The following CHST13 variants were observed in gnomAD, a reference collection of about 807,000 sequenced individuals.
The protein encoded by CHST13 is carbohydrate sulfotransferase 13.
Under a neutral mutation model 7.0 loss-of-function variants are expected in CHST13, and 1 was observed. The observed-to-expected ratio is 0.14, with a 90% CI of 0.05 to 0.68. CHST13 has a LOEUF of 0.68. Among genes scored for constraint, CHST13 ranks in the 30% least tolerant of loss-of-function variants. CHST13 has a pLI of 0.82. For missense variants in CHST13, 572 were observed against 507.9 expected, an observed-to-expected ratio of 1.13 and a Z score of -1.21; for synonymous variants, 257 against 240.9, an observed-to-expected ratio of 1.07 and a Z score of -0.62.
Position 126,542,530 on chromosome 3 carries a change from C to T in CHST13, c.978C>T (p.Asp326=), listed in dbSNP as rs777225443. 1 of 1,537,700 alleles carries T rather than the reference C, an allele frequency of 6.5e-7. No individual in the cohort carries two copies. The highest frequency in any genetic ancestry group is 2.2e-5 in the Admixed American group (1 of 46,034). ...QRRLFDLYKM[D]FLLFNYSAPS... Reference sequence around the variant, plus strand: ...GCCTCTTCGACCTCTACAAGATGGACTTCCTGCTTTTCAACTACTCCGCCC... The same window carrying T: ...GCCTCTTCGACCTCTACAAGATGGATTTCCTGCTTTTCAACTACTCCGCCC... Residue 326 remains aspartate (D), a synonymous_variant, in exon 3 of 3, where the codon GAC becomes GAT. Transcript: ENST00000319340.
At position 126,542,030 on chromosome 3, in the gene CHST13, A is replaced by G. The variant is rs1438416501; in HGVS notation, c.478A>G (p.Ile160Val). The G allele has an allele frequency of 6.4e-7, 1 of 1,570,774 alleles. No individual in the cohort carries two copies. Among genetic ancestry groups the G allele is most frequent in the South Asian group, 1.1e-5 (1 of 87,816 alleles). The part of the protein sequence containing the change: ...PSLADFSPAE[I>V]NRRLRAYLAF... Reference sequence around the variant, plus strand: ...ACTGGCCGACTTCAGCCCCGCCGAGATCAACCGGCGCCTGCGCGCCTACTT... The same window carrying G: ...ACTGGCCGACTTCAGCCCCGCCGAGGTCAACCGGCGCCTGCGCGCCTACTT... The change falls in exon 3 of 3, where the codon ATC becomes GTC. Residue 160 changes from isoleucine to valine, a missense_variant. Coordinates refer to ENST00000319340, the MANE Select transcript of CHST13 (RefSeq NM_152889.3).
At chr3:126,531,620 CCA>C (rs1936661977) in intron 1 of CHST13, among the ~76,000 whole-genome samples, 1 of 152,204 alleles carries the variant, frequency 6.6e-6, no homozygotes, top group Admixed American at 6.5e-5. Flanking sequence ...CAAGGTTCAG[CCA>C]CACGGAAGCA....
chr3:126,524,297 C>T lies in CHST13; in HGVS notation c.-36C>T. On this transcript the variant is annotated 5_prime_UTR_variant, in exon 1 of 3. Coordinates refer to ENST00000319340, the MANE Select transcript of CHST13 (RefSeq NM_152889.3). ...AGTGCAACTCCGCCCCCAGCCGTAT[C>T]CAGCGGACTGTCCTCCGCCGCGCGC... The T allele has an allele frequency of 4.9e-6, 6 of 1,224,458 alleles. No individual in the cohort carries two copies. The highest frequency in any genetic ancestry group is 6.1e-6 in the Non-Finnish European group (6 of 982,176). The allele number at this position is 1,224,458 out of a possible 1,614,324, so 75.8% of individuals were successfully genotyped here. A position where few individuals can be genotyped will look rare whatever the true frequency, so the allele number is the denominator to read the frequency against.
At chr3:126,539,784 C>T (rs1478734035) in intron 2 of CHST13, among the ~76,000 whole-genome samples, 2 of 62,672 alleles carry the variant, frequency 3.2e-5, no homozygotes, top group African/African-American at 1.6e-4. Flanking sequence ...CACACACACA[C>T]CACACACCAC....
At chr3:126,527,473 G>A (rs1024196703) in intron 1 of CHST13, 1 of 152,328 alleles carries the variant, frequency 6.6e-6, no homozygotes, top group Non-Finnish European at 1.5e-5. Context: ...CCCAAAGCTA[G>A]AGAGGGTTCC....
chr3:126,526,600 G>A (rs1404531934), intron 1 of CHST13, among the ~76,000 whole-genome samples: 2 of 152,222 alleles, frequency 1.3e-5, no homozygotes, highest in Non-Finnish European at 2.9e-5. Flanking sequence ...ACTGGCTCAG[G>A]CCTGGGGCTC....
Position 126,542,141 on chromosome 3 carries a change from C to T in CHST13, c.589C>T (p.Gln197Ter), listed in dbSNP as rs551303846. 25 of 1,562,908 alleles carry T rather than the reference C, an allele frequency of 1.6e-5. No individual in the cohort carries two copies. In the South Asian group the frequency reaches 2.7e-4, roughly 17 times the overall value. Reference protein sequence around the residue: ...KLARPYSAAFQRRYGARIVQR... With the variant: ...KLARPYSAAF ...CGCGCGCCCCTACAGCGCCGCCTTC[C>T]AGAGGCGCTACGGTGCACGCATCGT... Residue 197 changes from glutamine (Q) to a stop codon, truncating the protein, a stop_gained, in exon 3 of 3, where the codon CAG (glutamine) becomes TAG (stop). Transcript: ENST00000319340. LOFTEE classifies it low-confidence loss of function (END_TRUNC).
In CHST13 at chr3:126,542,652, C is replaced by G; in HGVS notation, c.*74C>G. The G allele has an allele frequency of 7.2e-7, 1 of 1,391,906 alleles. No homozygotes were observed. The highest frequency in any genetic ancestry group is 9.3e-7 in the Non-Finnish European group (1 of 1,072,070). The allele number at this position is 1,391,906 out of a possible 1,614,324, so 86.2% of individuals were successfully genotyped here. ...GACCCCCGGGGAATGCAGGTGCTGC[C>G]GGCCCCAGGACCCCTCTTCAAGAGC... On this transcript the variant is annotated 3_prime_UTR_variant, in exon 3 of 3. Transcript: ENST00000319340.
At position 126,525,012 on chromosome 3, in the gene CHST13, G is replaced by A. The variant is rs371149129; in HGVS notation, c.97+583G>A. 3.5e-4 allele frequency among the ~76,000 whole-genome samples: 53 copies of A among 152,318 alleles called. No individual in the cohort carries two copies. The East Asian group carries it at 4.2e-3, about 12-fold the overall frequency. ...GCTGAGTGCCCTGGGCTCCACCGGT[G>A]CTGAGTCTTTGCTCTGAGTCTCTCC... On this transcript the variant is annotated intron_variant, in intron 1 of 2. Transcript: ENST00000319340.
intron 1 of CHST13, among the ~76,000 whole-genome samples, chr3:126,533,780 A>G (rs1266036666): frequency 6.6e-6 from 1 of 152,148 alleles, no homozygotes; most frequent in Non-Finnish European, 1.5e-5. Context: ...TTTTTGAAAG[A>G]GTTTATGAAA....
In CHST13 at chr3:126,542,005, A is replaced by G. The variant is rs1249459909; in HGVS notation, c.453A>G (p.Ser151=). 4.5e-6 allele frequency: 7 copies of G among 1,560,394 alleles called. No individual in the cohort carries two copies. The highest frequency in any genetic ancestry group is 2.4e-5 in the East Asian group (1 of 41,940). The change falls in exon 3 of 3, where the codon TCA becomes TCG. Residue 151 remains serine, a synonymous_variant. Transcript: ENST00000319340. Reference sequence around the variant, plus strand: ...CGCACGCGCCTGGCCGCCTGCCCTCACTGGCCGACTTCAGCCCCGCCGAGA... The same window carrying G: ...CGCACGCGCCTGGCCGCCTGCCCTCGCTGGCCGACTTCAGCCCCGCCGAGA... The part of the protein sequence containing the change: ...QEAHAPGRLP[S]LADFSPAEIN...
chr3:126,538,903 T>C lies in CHST13; in HGVS notation c.180+2550T>C, dbSNP rs114985697. 5.1e-3 allele frequency among the ~76,000 whole-genome samples: 775 copies of C among 152,252 alleles called. 6 individuals carry two copies. Among genetic ancestry groups the C allele is most frequent in the African/African-American group, 0.017 (690 of 41,554 alleles). On this transcript the variant is annotated intron_variant, in intron 2 of 2. Coordinates refer to ENST00000319340, the MANE Select transcript of CHST13 (RefSeq NM_152889.3). ...AAATGTAAGCACATGACATGGCATT[T>C]GACACTACAGAAGGGTAGACACAGT...
chr3:126,525,686 T>C (rs1936524550), intron 1 of CHST13, among the ~76,000 whole-genome samples: 1 of 152,058 alleles, frequency 6.6e-6, no homozygotes, highest in African/African-American at 2.4e-5. Flanking sequence ...CAGAACTTGG[T>C]GGCTACTGGC....
At chr3:126,524,629 C>T (rs1349958028) in intron 1 of CHST13, among the ~76,000 whole-genome samples, 200 bp downstream of exon 1, 4 of 152,230 alleles carry the variant, frequency 2.6e-5, no homozygotes, top group South Asian at 2.1e-4. Context: ...GCTCCTCCTC[C>T]GGAGTTACCT....
chr3:126,535,643 G>T (rs1188455787), intron 1 of CHST13, among the ~76,000 whole-genome samples: 4 of 152,180 alleles, frequency 2.6e-5, no homozygotes, highest in African/African-American at 9.7e-5. Context: ...CAGACAGACA[G>T]CATCACTGTC....
intron 1 of CHST13, among the ~76,000 whole-genome samples, chr3:126,525,856 G>C (rs1336188576): frequency 1.3e-5 from 2 of 152,152 alleles, no homozygotes; most frequent in African/African-American, 4.8e-5. Context: ...ACCCAGGTTT[G>C]AGGGATGAGA....
rs1936984958 is a variant in CHST13 at position 126,542,424 on chromosome 3, C to A, written c.872C>A (p.Pro291Gln). 9.0e-6 allele frequency: 14 copies of A among 1,551,712 alleles called. No individual in the cohort carries two copies. The highest frequency in any genetic ancestry group is 1.4e-5 in the African/African-American group (1 of 71,338). ...AGASDLSFPG[P>Q]PRPRGAAASR... The stretch of plus-strand genomic sequence containing the variant: ...GCATCCGACCTGAGCTTCCCTGGGC[C>A]GCCGCGGCCCCGGGGAGCCGCCGCC... The change falls in exon 3 of 3, where the codon CCG (proline) becomes CAG (glutamine). Residue 291 changes from proline (P) to glutamine (Q), a missense_variant. Pro to Gln is a moderately conservative substitution (Grantham distance 76, BLOSUM62 -1). Transcript: ENST00000319340.
rs188281899 is a variant in CHST13 at position 126,530,739 on chromosome 3, G to A, written c.98-5532G>A. On this transcript the variant is annotated intron_variant, in intron 1 of 2. Coordinates refer to ENST00000319340, the MANE Select transcript of CHST13 (RefSeq NM_152889.3). Reference sequence around the variant, plus strand: ...TCCTGTCAGCTCCTTTTCTGATGACGGTGTCGTTCCTGGGACATGTCCGGC... The same window carrying A: ...TCCTGTCAGCTCCTTTTCTGATGACAGTGTCGTTCCTGGGACATGTCCGGC... Among the ~76,000 whole-genome samples, 209 of 152,342 alleles carry A rather than the reference G, an allele frequency of 1.4e-3. 1 individual carries two copies. The highest frequency in any genetic ancestry group is 3.4e-3 in the Middle Eastern group (1 of 294).
At chr3:126,538,510 G>T (rs888082630) in intron 2 of CHST13, among the ~76,000 whole-genome samples, 1 of 152,250 alleles carries the variant, frequency 6.6e-6, no homozygotes, top group South Asian at 2.1e-4. Context: ...CGAAGCTGAA[G>T]ATATGGCTCC....
Sources: allele counts gnomAD v4.1 joint callset (sites outside exome capture counted in the v4.1 genomes callset), GRCh38; gene constraint gnomAD v4.1.1; transcripts MANE v1.5; gene names NCBI Gene and HGNC (gene_info 2026-07-23, HGNC 2026-07-21).